The following KLF12 variants were observed in gnomAD, a reference collection of about 807,000 sequenced individuals.
KLF12 encodes KLF transcription factor 12, also known as Krueppel-like factor 12.
Under a neutral mutation model 37.8 loss-of-function variants are expected in KLF12, and 9 were observed. That is an observed-to-expected ratio of 0.24 (90% confidence interval 0.14 to 0.42). The LOEUF (loss-of-function observed/expected upper bound fraction) is 0.42, where lower values mean the gene tolerates loss of function less well. KLF12 is among the 10% of genes least tolerant of loss of function. KLF12 has a pLI of 1.00. For missense variants in KLF12, 411 were observed against 516.0 expected (o/e 0.80, Z 1.97); for synonymous variants, 208 against 202.1 (o/e 1.03, Z -0.25).
chr13:73,823,783 T>G (rs1003701570), intron 4 of KLF12, among the ~76,000 whole-genome samples: 18 of 152,186 alleles, frequency 1.2e-4, no homozygotes, highest in Non-Finnish European at 2.5e-4. Context: ...TGATCTTGGC[T>G]CACTGCAACC....
the KLF12 span, among the ~76,000 whole-genome samples, chr13:74,147,950 C>T: frequency 1.4e-4 from 21 of 151,798 alleles, no homozygotes; most frequent in South Asian, 8.3e-4. Flanking sequence ...CTCACTCTGT[C>T]GCCCAGGCTG....
intron 1 of KLF12, among the ~76,000 whole-genome samples, chr13:74,025,387 T>A (rs1268116089): frequency 6.6e-6 from 1 of 152,086 alleles, no homozygotes; most frequent in Non-Finnish European, 1.5e-5. Flanking sequence ...TCCCAACTAC[T>A]TCTATTTTCT....
At chr13:74,015,738 C>A (rs1199991049) in intron 1 of KLF12, among the ~76,000 whole-genome samples, 1 of 152,184 alleles carries the variant, frequency 6.6e-6, no homozygotes. Flanking sequence ...TACTTTGCCT[C>A]TAGGTTCTGA....
chr13:74,112,025 T>C (rs1877000243), intron 1 of KLF12, among the ~76,000 whole-genome samples: 1 of 152,186 alleles, frequency 6.6e-6, no homozygotes, highest in Non-Finnish European at 1.5e-5. Flanking sequence ...CAAAAATACA[T>C]GACTCTTCTG....
the KLF12 span, among the ~76,000 whole-genome samples, chr13:74,243,807 A>G: frequency 6.6e-6 from 1 of 152,200 alleles, no homozygotes; most frequent in Non-Finnish European, 1.5e-5. Context: ...AGGGTTCCAC[A>G]ATTGGAATAG....
intron 6 of KLF12, among the ~76,000 whole-genome samples, chr13:73,718,315 T>C (rs1471068714): frequency 2.6e-5 from 4 of 152,188 alleles, no homozygotes; most frequent in African/African-American, 9.6e-5. Flanking sequence ...ACACAGCCCA[T>C]CAACCACTTA....
chr13:73,963,667 C>T lies in KLF12; in HGVS notation c.34-19597G>A, dbSNP rs1278478612. ...AAAGTTTCGTATATAATTTAGTACTCGTATGACGCTAATAATGCCAATGGA... is the reference window on the plus strand; with the variant it reads ...AAAGTTTCGTATATAATTTAGTACTTGTATGACGCTAATAATGCCAATGGA... On this transcript the variant is annotated intron_variant, in intron 2 of 7. Coordinates refer to ENST00000377669, the MANE Select transcript of KLF12 (RefSeq NM_007249.5). Among the ~76,000 whole-genome samples, 9 of 152,050 alleles carry T rather than the reference C, an allele frequency of 5.9e-5. 1 individual carries two copies. Among genetic ancestry groups the T allele is most frequent in the Non-Finnish European group, 1.0e-4 (7 of 68,014 alleles).
the KLF12 span, among the ~76,000 whole-genome samples, chr13:74,159,921 G>A: frequency 2.0e-5 from 3 of 147,756 alleles, 1 homozygote; most frequent in South Asian, 6.4e-4. Context: ...ATAATCACTT[G>A]GGCCCAAGAG....
At chr13:73,730,183 T>C (rs1876961097) in intron 6 of KLF12, among the ~76,000 whole-genome samples, 1 of 152,152 alleles carries the variant, frequency 6.6e-6, no homozygotes, top group Admixed American at 6.5e-5. Context: ...GTCTGTAAAA[T>C]GCTCTTGACT....
chr13:74,249,059 T>A, the KLF12 span, among the ~76,000 whole-genome samples: 1 of 151,922 alleles, frequency 6.6e-6, no homozygotes, highest in African/African-American at 2.4e-5. Context: ...TTGAGAAAAT[T>A]TGTGGACCCT....
At chr13:73,916,769 A>G (rs917711380) in intron 3 of KLF12, among the ~76,000 whole-genome samples, 2 of 152,224 alleles carry the variant, frequency 1.3e-5, no homozygotes, top group Non-Finnish European at 2.9e-5. Flanking sequence ...GACAGACTGT[A>G]GTCACATAAA....
At chr13:73,919,061 C>T (rs1888990640) in intron 3 of KLF12, among the ~76,000 whole-genome samples, 1 of 152,202 alleles carries the variant, frequency 6.6e-6, no homozygotes, top group African/African-American at 2.4e-5. Context: ...ACATCTGCTC[C>T]TGAGCTTCTG....
Position 74,023,899 on chromosome 13 carries a change from G to T in KLF12, c.-31-28846C>A, listed in dbSNP as rs1426962684. On this transcript the variant is annotated intron_variant, in intron 1 of 7. Transcript: ENST00000377669. ...AGTTTCTGGTGATCTTGAAGAAAAG[G>T]GGCATGTGAAATACAGCTAGGGTTA... 5.9e-5 allele frequency among the ~76,000 whole-genome samples: 9 copies of T among 152,100 alleles called. No homozygotes were observed. In the South Asian group the frequency reaches 1.0e-3, roughly 18 times the overall value.
At chr13:74,084,476 T>C (rs945964161) in intron 1 of KLF12, among the ~76,000 whole-genome samples, 4 of 152,210 alleles carry the variant, frequency 2.6e-5, no homozygotes, top group Non-Finnish European at 4.4e-5. Context: ...CCTACCACTC[T>C]GCTTACAGAT....
intron 4 of KLF12, among the ~76,000 whole-genome samples, chr13:73,826,955 T>C (rs1883880390): frequency 6.6e-6 from 1 of 152,144 alleles, no homozygotes; most frequent in Non-Finnish European, 1.5e-5. Flanking sequence ...TTAACTTTTG[T>C]ATTTTTTGTA....
Position 73,782,923 on chromosome 13 carries a change from G to A in KLF12, c.807-17923C>T, listed in dbSNP as rs561403782. 1.1e-4 allele frequency among the ~76,000 whole-genome samples: 17 copies of A among 152,306 alleles called. 1 individual carries two copies. The South Asian group carries it at 3.5e-3, about 32-fold the overall frequency. ...ATCTGAATGGGGAAAAACAGGACAG[G>A]CAGTTGGATTGATTTAGCGTATTCT... On this transcript the variant is annotated intron_variant, in intron 5 of 7. Coordinates refer to ENST00000377669, the MANE Select transcript of KLF12 (RefSeq NM_007249.5).
At chr13:73,819,798 G>T (rs1883424198) in intron 4 of KLF12, among the ~76,000 whole-genome samples, 1 of 152,212 alleles carries the variant, frequency 6.6e-6, no homozygotes, top group Non-Finnish European at 1.5e-5. Flanking sequence ...CTTCAGCAAG[G>T]ACTTGAAGGA....
At chr13:74,266,105 A>G in the KLF12 span, among the ~76,000 whole-genome samples, 1 of 152,192 alleles carries the variant, frequency 6.6e-6, no homozygotes, top group Non-Finnish European at 1.5e-5. Flanking sequence ...GCTCCTGGCA[A>G]TCAGTCCAGG....
intron 7 of KLF12, among the ~76,000 whole-genome samples, chr13:73,697,000 T>C (rs944341715): frequency 6.6e-6 from 1 of 152,124 alleles, no homozygotes; most frequent in African/African-American, 2.4e-5. Context: ...TACTTGGAGA[T>C]CTGGGACTAT....
Sources: gnomAD v4.1 joint callset for allele counts (sites outside exome capture counted in the v4.1 genomes callset) on GRCh38, gnomAD v4.1.1 for gene constraint, MANE v1.5 for transcripts, NCBI Gene and HGNC (gene_info 2026-07-23, HGNC 2026-07-21) for gene names.